The following GKN1 variants were observed in gnomAD, a reference collection of about 807,000 sequenced individuals.
GKN1 encodes gastrokine 1.
Under a neutral mutation model 19.7 loss-of-function variants are expected in GKN1, and 17 were observed. The ratio of observed to expected loss-of-function variants is 0.86; its 90% CI spans 0.59 to 1.29. The LOEUF is 1.29. Ranked by LOEUF, GKN1 falls within the 50% of genes most tolerant of loss-of-function variation. The probability of loss-of-function intolerance (pLI) is 0.00; values close to 1 mark genes in which losing one functional copy is unlikely to be tolerated. For synonymous variants in GKN1, 96 were observed against 78.3 expected, an observed-to-expected ratio of 1.23 and a Z score of -1.20; for missense variants, 218 against 224.5, an observed-to-expected ratio of 0.97 and a Z score of 0.19.
Position 68,978,897 on chromosome 2 carries a change from AAAG to A in GKN1, c.236_238del (p.Lys79del), listed in dbSNP as rs1298762759. On this transcript the variant is annotated inframe_deletion, in exon 4 of 6. Transcript: ENST00000377938. ...GCTTTGCTGCAACCAGACTCTTTCA[AAAG>A]AAGACATGCATTGTGCACAAAATGA... 6.2e-7 allele frequency: 1 copy of A among 1,609,114 alleles called. No homozygotes were observed. The highest frequency in any genetic ancestry group is 8.5e-7 in the Non-Finnish European group (1 of 1,176,346).
chr2:68,980,200 G>A, intron 5 of GKN1, 140 bp downstream of exon 5: 1 of 715,858 alleles, frequency 1.4e-6, no homozygotes. Flanking sequence ...CTCTGTGCCA[G>A]GTACTGTTCT....
At chr2:68,978,299 A>C (rs1280771906) in intron 3 of GKN1, among the ~76,000 whole-genome samples, 6 of 121,582 alleles carry the variant, frequency 4.9e-5, no homozygotes, top group East Asian at 4.4e-4. Flanking sequence ...AAAGAAAGAG[A>C]GAGAAAGAAA....
rs778594121 is a variant in GKN1, at chr2:68,978,891, C to G, written c.225C>G (p.Leu75=). ...AACAGGGCTTTGCTGCAACCAGACT[C>G]TTTCAAAAGAAGACATGCATTGTGC... ...DYGNGFAATR[L]FQKKTCIVHK... is the part of the protein sequence containing the mutation. The change falls in exon 4 of 6, where the codon CTC becomes CTG. Residue 75 remains leucine, a synonymous_variant. Transcript: ENST00000377938. 3.7e-6 allele frequency: 6 copies of G among 1,607,844 alleles called. No homozygotes were observed. The East Asian group carries it at 1.1e-4, about 30-fold the overall frequency.
chr2:68,977,461 T>G (rs758268905), intron 1 of GKN1, 34 bp from the exon 2 acceptor site: 3 of 1,465,972 alleles, frequency 2.0e-6, no homozygotes, highest in Non-Finnish European at 2.9e-6. Context: ...CATTTTGCCA[T>G]GTAACAGGAG....
chr2:68,977,448 C>T (rs1181340191), intron 1 of GKN1, 47 bp from the exon 2 acceptor site: 12 of 1,231,272 alleles, frequency 9.7e-6, no homozygotes, highest in Non-Finnish European at 1.1e-5. Context: ...AGAAAGAAGA[C>T]ATCATTTTGC....
At chr2:68,975,266 A>T (rs1399291354) in intron 1 of GKN1, among the ~76,000 whole-genome samples, 2 of 152,198 alleles carry the variant, frequency 1.3e-5, no homozygotes, top group African/African-American at 4.8e-5. Context: ...AAAGCTTATT[A>T]TCAAAATAAG....
chr2:68,977,139 C>G (rs1396106841), intron 1 of GKN1, among the ~76,000 whole-genome samples: 1 of 152,136 alleles, frequency 6.6e-6, no homozygotes, highest in African/African-American at 2.4e-5. Flanking sequence ...TGATTTATCA[C>G]TACTTGAAAA....
chr2:68,977,688 G>T lies in GKN1; in HGVS notation c.118G>T (p.Val40Leu). ...NNNAGSGQQSVSVNNEHNVAN... is the reference protein window; with the variant it reads ...NNNAGSGQQSLSVNNEHNVAN... ...CAATGCTGGAAGTGGGCAGCAGTCA[G>T]TGAGTGTCAACAATGAACACAATGT... Residue 40 changes from valine (V) to leucine (L), a missense_variant, in exon 3 of 6, where the codon GTG (valine) becomes TTG (leucine). Transcript: ENST00000377938. 1 of 1,607,798 alleles carries T rather than the reference G, an allele frequency of 6.2e-7. No individual in the cohort carries two copies. Among genetic ancestry groups the T allele is most frequent in the Non-Finnish European group, 8.5e-7 (1 of 1,174,280 alleles).
chr2:68,977,548 T>G lies in GKN1; in HGVS notation c.66T>G (p.Tyr22Ter). Residue 22 changes from tyrosine (Y) to a stop codon, truncating the protein, a stop_gained and splice_region_variant, in exon 2 of 6, where the codon TAT becomes TAG. Transcript: ENST00000377938. LOFTEE classifies it high-confidence loss of function. ...GVFLAPALAN[Y>*]NINVNDDNNN... ...TTCTAGCTCCTGCCCTAGCTAACTATGTAAGTCTCACCTTTTCAAGTTTGC... is the reference window on the plus strand; with the variant it reads ...TTCTAGCTCCTGCCCTAGCTAACTAGGTAAGTCTCACCTTTTCAAGTTTGC... 6.2e-7 allele frequency: 1 copy of G among 1,608,654 alleles called. No homozygotes were observed.
intron 3 of GKN1, 21 bp from the exon 4 acceptor site, chr2:68,978,850 A>C: frequency 7.3e-7 from 1 of 1,364,660 alleles, no homozygotes; most frequent in Non-Finnish European, 1.0e-6. Context: ...ATGCCTCACT[A>C]TTTGCCATCT....
rs780362135 is a variant in GKN1 at position 68,978,981 on chromosome 2, G to A, written c.315G>A (p.Lys105=). 2.0e-6 allele frequency: 3 copies of A among 1,518,214 alleles called. No homozygotes were observed. In the East Asian group the frequency reaches 6.8e-5, roughly 34 times the overall value. The allele number at this position is 1,518,214 out of a possible 1,614,324, so 94.0% of individuals were successfully genotyped here. Residue 105 remains lysine, a splice_region_variant and synonymous_variant, in exon 4 of 6, where the codon AAG becomes AAA. Transcript: ENST00000377938. ...QSLDALVKEK[K]LQGKGPGGPP... ...TTGATGCACTGGTCAAGGAAAAGAA[G>A]GTAAAAATAAAAGGCTTTTTATTTT...
In GKN1 at chr2:68,980,916, A is replaced by T. The variant is rs1186481158; in HGVS notation, c.*93A>T. Reference sequence around the variant, plus strand: ...GTGGTTTTTACCATGTCATTCTGAAATTTTTCTCTACTAGTTATGTTTGAT... The same window carrying T: ...GTGGTTTTTACCATGTCATTCTGAATTTTTTCTCTACTAGTTATGTTTGAT... On this transcript the variant is annotated 3_prime_UTR_variant, in exon 6 of 6. Transcript: ENST00000377938. 1.4e-6 allele frequency: 1 copy of T among 694,876 alleles called. No individual in the cohort carries two copies. The highest frequency in any genetic ancestry group is 2.3e-5 in the Admixed American group (1 of 42,838). 43.0% of individuals were successfully genotyped at this position (694,876 alleles called of 1,614,324 possible).
chr2:68,977,581 A>G, intron 2 of GKN1, 33 bp downstream of exon 2: 1 of 1,604,426 alleles, frequency 6.2e-7, no homozygotes, highest in Non-Finnish European at 8.5e-7. Flanking sequence ...TGCTACCAAA[A>G]TGCATTTGCA....
At chr2:68,976,325 G>C (rs1451273536) in intron 1 of GKN1, among the ~76,000 whole-genome samples, 1 of 151,654 alleles carries the variant, frequency 6.6e-6, no homozygotes, top group Non-Finnish European at 1.5e-5. Context: ...TTTTTCCAAG[G>C]AAAATAAGAT....
intron 5 of GKN1, 53 bp downstream of exon 5, chr2:68,980,113 A>G: frequency 2.0e-6 from 3 of 1,534,902 alleles, no homozygotes; most frequent in Non-Finnish European, 2.7e-6. Context: ...GGATTGTCAG[A>G]CTATCCTCGC....
intron 5 of GKN1, among the ~76,000 whole-genome samples, chr2:68,980,423 A>G (rs1013589179): frequency 6.6e-6 from 1 of 152,226 alleles, no homozygotes; most frequent in African/African-American, 2.4e-5. Flanking sequence ...AGTCATATTC[A>G]AAAGAATGCA....
At chr2:68,974,793 G>C (rs897427160) in intron 1 of GKN1, 104 bp downstream of exon 1, 2 of 801,456 alleles carry the variant, frequency 2.5e-6, no homozygotes, top group African/African-American at 3.4e-5. Flanking sequence ...TGGAAAATTT[G>C]TTTTAAAAAA....
At chr2:68,980,154 G>A (rs545949678) in intron 5 of GKN1, 94 bp downstream of exon 5, 5 of 1,098,178 alleles carry the variant, frequency 4.6e-6, no homozygotes, top group South Asian at 1.3e-5. Context: ...AGTGATGCAG[G>A]GATGGTCATC....
At position 68,978,973 on chromosome 2, in the gene GKN1, G is replaced by A. The variant is rs756122878; in HGVS notation, c.307G>A (p.Glu103Lys). 19 of 1,551,612 alleles carry A rather than the reference G, an allele frequency of 1.2e-5. No homozygotes were observed. Among genetic ancestry groups the A allele is most frequent in the Non-Finnish European group, 1.7e-5 (19 of 1,125,650 alleles). ...SIQSLDALVK[E>K]KKLQGKGPGG... is the part of the protein sequence containing the mutation. ...TCAATCCCTTGATGCACTGGTCAAGGAAAAGAAGGTAAAAATAAAAGGCTT... is the reference window on the plus strand; with the variant it reads ...TCAATCCCTTGATGCACTGGTCAAGAAAAAGAAGGTAAAAATAAAAGGCTT... Residue 103 changes from glutamate (E) to lysine (K), a missense_variant, in exon 4 of 6, where the codon GAA becomes AAA. Physicochemically the swap from Glu to Lys is moderately conservative, Grantham distance 56. Coordinates refer to ENST00000377938, the MANE Select transcript of GKN1 (RefSeq NM_019617.4).
Sources: allele counts gnomAD v4.1 joint callset (sites outside exome capture counted in the v4.1 genomes callset), GRCh38; gene constraint gnomAD v4.1.1; transcripts MANE v1.5; gene names NCBI Gene and HGNC (gene_info 2026-07-23, HGNC 2026-07-21).